RNF220: variants seen among roughly 807,000 people sequenced by gnomAD.
RNF220 encodes the protein E3 ubiquitin-protein ligase RNF220.
In RNF220, 7 loss-of-function variants were observed where a neutral mutation model predicts 67.1. The ratio of observed to expected loss-of-function variants is 0.10; its 90% CI spans 0.06 to 0.20. The LOEUF (loss-of-function observed/expected upper bound fraction) is 0.20. RNF220 is among the 10% of genes least tolerant of loss of function. The pLI, the probability that RNF220 is intolerant of heterozygous loss-of-function variation, is 1.00. For synonymous variants in RNF220, 270 were observed against 283.2 expected (o/e 0.95, Z 0.47); for missense variants, 565 against 740.3 (o/e 0.76, Z 2.75).
chr1:44,595,873 C>T (rs980993129), intron 2 of RNF220, among the ~76,000 whole-genome samples: 1 of 152,174 alleles, frequency 6.6e-6, no homozygotes, highest in African/African-American at 2.4e-5. Context: ...ACGCCATCCT[C>T]CCACCTCAGC....
chr1:44,549,080 A>G (rs1662404941), intron 2 of RNF220, among the ~76,000 whole-genome samples: 1 of 152,154 alleles, frequency 6.6e-6, no homozygotes, highest in Non-Finnish European at 1.5e-5. Context: ...CCAGGTACTC[A>G]GGAGGCTGAG....
chr1:44,613,311 TC>T (rs1390786237), intron 2 of RNF220, among the ~76,000 whole-genome samples: 2 of 149,366 alleles, frequency 1.3e-5, no homozygotes, highest in African/African-American at 2.5e-5. Context: ...TTAATAGGGC[TC>T]CCCAACCCCA....
chr1:44,522,144 AG>A (rs1427070209), intron 2 of RNF220, among the ~76,000 whole-genome samples: 2 of 152,220 alleles, frequency 1.3e-5, no homozygotes, highest in Admixed American at 6.5e-5. Context: ...ACTTTAGAAA[AG>A]ACCATGACAA....
chr1:44,482,976 G>T (rs1162929124), intron 2 of RNF220, among the ~76,000 whole-genome samples: 1 of 138,654 alleles, frequency 7.2e-6, no homozygotes, highest in African/African-American at 2.8e-5. Flanking sequence ...TGTAGCCCAG[G>T]CTGGAGCGCA....
At chr1:44,518,731 C>G (rs1659660438) in intron 2 of RNF220, among the ~76,000 whole-genome samples, 1 of 151,900 alleles carries the variant, frequency 6.6e-6, no homozygotes. Flanking sequence ...AAAAATTAGC[C>G]AGGCGTGGTG....
intron 2 of RNF220, among the ~76,000 whole-genome samples, chr1:44,459,386 T>G (rs146926207): frequency 4.7e-4 from 69 of 147,798 alleles, no homozygotes; most frequent in African/African-American, 1.6e-3. Context: ...CACTTTTAAA[T>G]GCTGTCTTGC....
intron 2 of RNF220, among the ~76,000 whole-genome samples, chr1:44,601,743 T>C (rs1666934720): frequency 6.6e-6 from 1 of 152,066 alleles, no homozygotes; most frequent in Non-Finnish European, 1.5e-5. Context: ...TATTGAATTG[T>C]CTCTGTGGGA....
chr1:44,496,045 C>T (rs994744420), intron 2 of RNF220, among the ~76,000 whole-genome samples: 4 of 151,988 alleles, frequency 2.6e-5, no homozygotes, highest in Non-Finnish European at 5.9e-5. Context: ...CTAAAGACTA[C>T]GGGAAGCTAC....
intron 8 of RNF220, among the ~76,000 whole-genome samples, chr1:44,640,440 C>T (rs1054769001): frequency 2.0e-5 from 3 of 152,206 alleles, no homozygotes; most frequent in African/African-American, 7.2e-5. Context: ...GAGCAAGGCA[C>T]CTTCTGTCCC....
chr1:44,611,664 CA>C (rs1176053720), intron 2 of RNF220, among the ~76,000 whole-genome samples: 3 of 152,086 alleles, frequency 2.0e-5, no homozygotes. Context: ...CACCCTCCCA[CA>C]AATCCTTCAT....
chr1:44,482,920 CTTTTTTT>C (rs34268893), intron 2 of RNF220, among the ~76,000 whole-genome samples: 2 of 69,156 alleles, frequency 2.9e-5, no homozygotes, highest in African/African-American at 6.4e-5. Flanking sequence ...CACACCCAGC[CTTTTTTT>C]TTTTTTTTTT....
At chr1:44,469,807 A>G (rs1409966248) in intron 2 of RNF220, among the ~76,000 whole-genome samples, 3 of 152,230 alleles carry the variant, frequency 2.0e-5, no homozygotes, top group Admixed American at 6.5e-5. Context: ...CAGTAGGCAG[A>G]GGCAATCGCA....
rs2148498274 is a variant in RNF220, at chr1:44,641,503, T to C, written c.1127-3195T>C. On this transcript the variant is annotated intron_variant, in intron 8 of 14. Coordinates refer to ENST00000361799, the MANE Select transcript of RNF220 (RefSeq NM_018150.4). The stretch of plus-strand genomic sequence containing the variant: ...AAGGAGCTGTCTGTGCCATCTTGCC[T>C]CTGAGTACTGGCTTGGGATATTCCA... Among the ~76,000 whole-genome samples the C allele has an allele frequency of 1.3e-5, 2 of 152,294 alleles. 1 individual carries two copies. The highest frequency in any genetic ancestry group is 2.9e-5 in the Non-Finnish European group (2 of 68,024).
At chr1:44,469,379 G>A (rs1193527352) in intron 2 of RNF220, among the ~76,000 whole-genome samples, 1 of 152,056 alleles carries the variant, frequency 6.6e-6, no homozygotes. Context: ...ATAAGGCCAG[G>A]CAAACCAGCC....
intron 2 of RNF220, among the ~76,000 whole-genome samples, chr1:44,534,067 C>T (rs1366755110): frequency 2.0e-5 from 3 of 152,146 alleles, no homozygotes; most frequent in Admixed American, 6.6e-5. Context: ...CTTGGCCTCC[C>T]GGGTCCAAGT....
chr1:44,520,757 T>TA (rs1659870079), intron 2 of RNF220, among the ~76,000 whole-genome samples: 1 of 152,270 alleles, frequency 6.6e-6, no homozygotes, highest in Non-Finnish European at 1.5e-5. Context: ...AACTAGATTA[T>TA]ATACTCCTTG....
chr1:44,510,991 G>A (rs1658940129), intron 2 of RNF220, among the ~76,000 whole-genome samples: 1 of 152,210 alleles, frequency 6.6e-6, no homozygotes, highest in Non-Finnish European at 1.5e-5. Context: ...TGGCCTGAAT[G>A]GTGCAGAGAA....
chr1:44,409,821 A>G (rs1453186269), intron 1 of RNF220, among the ~76,000 whole-genome samples: 5 of 152,186 alleles, frequency 3.3e-5, no homozygotes, highest in Non-Finnish European at 1.5e-5. Flanking sequence ...TTTCATAATG[A>G]CTGTGGTCAG....
chr1:44,518,450 A>G (rs570584267), intron 2 of RNF220, among the ~76,000 whole-genome samples: 1 of 151,630 alleles, frequency 6.6e-6, no homozygotes, highest in Admixed American at 6.6e-5. Flanking sequence ...AAATAAACCC[A>G]CCTCTTCCTG....
Sources: allele counts gnomAD v4.1 joint callset (sites outside exome capture counted in the v4.1 genomes callset), GRCh38; gene constraint gnomAD v4.1.1; transcripts MANE v1.5; gene names NCBI Gene and HGNC (gene_info 2026-07-23, HGNC 2026-07-21).